The following COX16 variants were observed in gnomAD, a reference collection of about 807,000 sequenced individuals.
COX16 encodes cytochrome c oxidase assembly protein COX16 homolog, mitochondrial.
COX16 carries 12 observed loss-of-function variants against 15.4 expected under a neutral mutation model. That is an observed-to-expected ratio of 0.78 (90% CI 0.50 to 1.26). COX16 has a LOEUF of 1.26. Ranked by LOEUF, COX16 falls within the 50% of genes most tolerant of loss-of-function variation. The pLI, the probability that COX16 is intolerant of heterozygous loss-of-function variation, is 0.00. For synonymous variants in COX16, 46 were observed against 41.1 expected (o/e 1.12, Z -0.46); for missense variants, 124 against 127.6 (o/e 0.97, Z 0.14).
At chr14:70,329,321 T>TGA in intron 2 of COX16, 85 bp from the exon 3 acceptor site, 1 of 1,245,718 alleles carries the variant, frequency 8.0e-7, no homozygotes. Flanking sequence ...AAGAGATGGC[T>TGA]GAAATACTAT....
In COX16 at chr14:70,326,205, A is replaced by G. The variant is rs1283894050; in HGVS notation, c.*128T>C. 4.7e-6 allele frequency: 3 copies of G among 642,888 alleles called. No individual in the cohort carries two copies. The African/African-American group carries it at 5.7e-5, about 12-fold the overall frequency. The allele number at this position is 642,888 out of a possible 1,614,324, so 39.8% of individuals were successfully genotyped here. ...CCTTTAGTGAAGATTATTTGTCATC[A>G]AATTACCCATATCCAAGTTTCCATG... On this transcript the variant is annotated 3_prime_UTR_variant, in exon 4 of 4. Coordinates refer to ENST00000389912, the MANE Select transcript of COX16 (RefSeq NM_016468.7).
At chr14:70,333,212 A>T (rs1338986855) in intron 2 of COX16, among the ~76,000 whole-genome samples, 1 of 152,194 alleles carries the variant, frequency 6.6e-6, no homozygotes, top group Non-Finnish European at 1.5e-5. Flanking sequence ...GGAAAATATG[A>T]CCTCATCAAA....
chr14:70,340,944 T>C (rs1166384182), intron 2 of COX16, among the ~76,000 whole-genome samples: 2 of 152,234 alleles, frequency 1.3e-5, no homozygotes, highest in East Asian at 1.9e-4. Context: ...CTATATTATA[T>C]GTCTGGGTAC....
chr14:70,340,218 T>TC (rs1276471682), intron 2 of COX16, among the ~76,000 whole-genome samples: 2 of 152,246 alleles, frequency 1.3e-5, no homozygotes, highest in East Asian at 3.9e-4. Context: ...ATAAGGGATT[T>TC]CCCCCTTTGT....
At chr14:70,358,685 C>G (rs756592122) in intron 1 of COX16, among the ~76,000 whole-genome samples, 2 of 152,104 alleles carry the variant, frequency 1.3e-5, no homozygotes, top group Non-Finnish European at 2.9e-5. Flanking sequence ...AAAATATAGT[C>G]TGTATTTAAA....
chr14:70,356,757 C>A (rs1180112466), intron 1 of COX16, among the ~76,000 whole-genome samples: 1 of 36,078 alleles, frequency 2.8e-5, no homozygotes, highest in African/African-American at 1.4e-4. Flanking sequence ...ATCCTTTCCT[C>A]CACAAAAACG....
At chr14:70,351,052 C>T (rs377736255) in intron 1 of COX16, among the ~76,000 whole-genome samples, 2 of 152,260 alleles carry the variant, frequency 1.3e-5, no homozygotes, top group African/African-American at 4.8e-5. Flanking sequence ...AAAGCTTAGC[C>T]CTTCTACTAA....
intron 2 of COX16, among the ~76,000 whole-genome samples, chr14:70,330,487 G>A (rs532618384): frequency 1.3e-5 from 2 of 152,248 alleles, no homozygotes; most frequent in South Asian, 2.1e-4. Flanking sequence ...GAATTATGTG[G>A]TAAGCATAAC....
chr14:70,343,989 T>C (rs1886700386), intron 1 of COX16, among the ~76,000 whole-genome samples: 1 of 152,136 alleles, frequency 6.6e-6, no homozygotes, highest in South Asian at 2.1e-4. Flanking sequence ...GTGGGGAGTG[T>C]GCTGATTGGT....
intron 1 of COX16, among the ~76,000 whole-genome samples, chr14:70,357,627 A>C (rs1887170802): frequency 6.6e-6 from 1 of 152,266 alleles, no homozygotes; most frequent in African/African-American, 2.4e-5. Flanking sequence ...TCAAATGACC[A>C]ATAAACATTT....
At chr14:70,329,721 CAAAAA>C (rs199721497) in intron 2 of COX16, among the ~76,000 whole-genome samples, 41 of 117,940 alleles carry the variant, frequency 3.5e-4, no homozygotes, top group African/African-American at 1.2e-3. Context: ...AGATATCTAC[CAAAAA>C]AAAAAAAAAA....
At chr14:70,342,951 C>T (rs1416529161) in intron 1 of COX16, among the ~76,000 whole-genome samples, 1 of 152,194 alleles carries the variant, frequency 6.6e-6, no homozygotes, top group Non-Finnish European at 1.5e-5. Context: ...AATCGTCACC[C>T]TATACCTGTA....
intron 1 of COX16, among the ~76,000 whole-genome samples, chr14:70,352,955 G>T (rs1407617541): frequency 3.3e-5 from 5 of 151,950 alleles, no homozygotes. Context: ...TCCCCAAGTT[G>T]TCATTGCTAC....
intron 1 of COX16, among the ~76,000 whole-genome samples, chr14:70,353,432 A>G (rs1485208226): frequency 1.4e-5 from 2 of 147,304 alleles, no homozygotes; most frequent in Non-Finnish European, 3.0e-5. Flanking sequence ...ACACACACAT[A>G]TACACACATA....
At chr14:70,337,582 TTA>T (rs140841293) in intron 2 of COX16, among the ~76,000 whole-genome samples, 272 of 152,138 alleles carry the variant, frequency 1.8e-3, no homozygotes, top group African/African-American at 6.2e-3. Flanking sequence ...TGAGGCATGT[TTA>T]AAGATAGAAT....
At chr14:70,342,526 A>C (rs916348802) in intron 2 of COX16, 132 bp downstream of exon 2, 1 of 797,080 alleles carries the variant, frequency 1.3e-6, no homozygotes, top group African/African-American at 1.8e-5. Flanking sequence ...TTTAAAGAAA[A>C]AAACAAAGAT....
At chr14:70,334,137 A>AGTTGTTAT in intron 2 of COX16, among the ~76,000 whole-genome samples, 1 of 152,246 alleles carries the variant, frequency 6.6e-6, no homozygotes, top group Non-Finnish European at 1.5e-5. Flanking sequence ...CTAATACTGC[A>AGTTGTTAT]ATCATGATGT....
At chr14:70,339,779 G>C (rs1346282353) in intron 2 of COX16, among the ~76,000 whole-genome samples, 3 of 152,164 alleles carry the variant, frequency 2.0e-5, no homozygotes, top group Non-Finnish European at 4.4e-5. Flanking sequence ...ACCTGAGTTT[G>C]ACTTTTCAAC....
In COX16 at chr14:70,347,679, G is replaced by A. The variant is rs970397479; in HGVS notation, c.70-4950C>T. Reference sequence around the variant, plus strand: ...TCTCTTTTAAACTTCTTGGCAGAACGGAGGTATCGGGTCTCCCCTAAGAAA... The same window carrying A: ...TCTCTTTTAAACTTCTTGGCAGAACAGAGGTATCGGGTCTCCCCTAAGAAA... On this transcript the variant is annotated intron_variant, in intron 1 of 3. Coordinates refer to ENST00000389912, the MANE Select transcript of COX16 (RefSeq NM_016468.7). 3.9e-5 allele frequency among the ~76,000 whole-genome samples: 6 copies of A among 152,200 alleles called. No homozygotes were observed. In the East Asian group the frequency reaches 7.7e-4, roughly 20 times the overall value.
Sources: gnomAD v4.1 joint callset for allele counts (sites outside exome capture counted in the v4.1 genomes callset) on GRCh38, gnomAD v4.1.1 for gene constraint, MANE v1.5 for transcripts, NCBI Gene and HGNC (gene_info 2026-07-23, HGNC 2026-07-21) for gene names.